The following SPATA13 variants were observed in gnomAD, a reference collection of about 807,000 sequenced individuals.
SPATA13 encodes the protein spermatogenesis associated 13.
SPATA13 carries 50 observed loss-of-function variants against 104.0 expected under a neutral mutation model. That is an observed-to-expected ratio of 0.48 (90% CI 0.38 to 0.61). The LOEUF is 0.61. SPATA13 is among the 20% of genes least tolerant of loss of function. The pLI is 0.00. For missense variants in SPATA13, 1,524 were observed against 1,690.6 expected, an observed-to-expected ratio of 0.90 and a Z score of 1.73; for synonymous variants, 606 against 667.5, an observed-to-expected ratio of 0.91 and a Z score of 1.42.
intron 2 of SPATA13, among the ~76,000 whole-genome samples, chr13:24,010,052 A>T (rs534201350): frequency 6.6e-6 from 1 of 152,338 alleles, no homozygotes; most frequent in Non-Finnish European, 1.5e-5. Context: ...CATCAATCAA[A>T]TACATGTAAG....
At chr13:24,199,710 G>A (rs1171561767) in intron 1 of SPATA13, among the ~76,000 whole-genome samples, 1 of 152,122 alleles carries the variant, frequency 6.6e-6, no homozygotes, top group African/African-American at 2.4e-5. Context: ...CTAGACCTGC[G>A]GCAATGTATT....
intron 4 of SPATA13, among the ~76,000 whole-genome samples, chr13:24,265,972 A>G (rs1290363801): frequency 1.3e-5 from 2 of 152,260 alleles, no homozygotes; most frequent in African/African-American, 4.8e-5. Context: ...AATATCTACC[A>G]TGTCATACTT....
intron 3 of SPATA13, among the ~76,000 whole-genome samples, chr13:24,050,813 C>T (rs939180188): frequency 1.3e-5 from 2 of 152,190 alleles, no homozygotes; most frequent in South Asian, 2.1e-4. Context: ...CCACCCACCA[C>T]GTGTGGTAGT....
intron 2 of SPATA13, among the ~76,000 whole-genome samples, chr13:24,012,173 G>C (rs1437346039): frequency 2.0e-5 from 3 of 152,240 alleles, no homozygotes; most frequent in Non-Finnish European, 4.4e-5. Flanking sequence ...AGAGGTATCA[G>C]TCTCTTTCCT....
At chr13:24,175,740 C>T (rs1868399267) in intron 1 of SPATA13, among the ~76,000 whole-genome samples, 1 of 152,196 alleles carries the variant, frequency 6.6e-6, no homozygotes, top group Admixed American at 6.5e-5. Flanking sequence ...TCATCTGTTC[C>T]AGACATAGTG....
intron 1 of SPATA13, among the ~76,000 whole-genome samples, chr13:24,192,303 G>A (rs977146167): frequency 2.0e-5 from 3 of 152,154 alleles, no homozygotes; most frequent in South Asian, 2.1e-4. Context: ...ACAATGACCT[G>A]TTAATTTCCA....
At chr13:24,030,318 C>T (rs1566078716) in intron 3 of SPATA13, among the ~76,000 whole-genome samples, 2 of 152,134 alleles carry the variant, frequency 1.3e-5, no homozygotes, top group African/African-American at 4.8e-5. Flanking sequence ...TCTATAAACT[C>T]CTGTACTTCA....
chr13:24,006,479 C>T (rs992256610), intron 2 of SPATA13, among the ~76,000 whole-genome samples: 4 of 152,140 alleles, frequency 2.6e-5, no homozygotes, highest in African/African-American at 9.7e-5. Flanking sequence ...ATGTGATGTG[C>T]GAAAGAACTG....
rs1220548 is a variant in SPATA13, at chr13:24,225,375, C to T, written c.1653+793C>T. 6.3e-3 allele frequency among the ~76,000 whole-genome samples: 962 copies of T among 152,350 alleles called. 7 individuals are homozygous for T. The highest frequency in any genetic ancestry group is 0.022 in the African/African-American group (920 of 41,580). ...CTGTAGCTGGCTTCCGCTGCAGGCA[C>T]CAGCGTGTGGACGAGGGGAACGTGG... On this transcript the variant is annotated intron_variant, in intron 2 of 12. Transcript: ENST00000382108.
At chr13:24,097,617 C>A (rs1189794248) in intron 3 of SPATA13, among the ~76,000 whole-genome samples, 2 of 152,024 alleles carry the variant, frequency 1.3e-5, no homozygotes, top group East Asian at 3.9e-4. Context: ...AAACTAGGTG[C>A]AAGATAGCCA....
chr13:24,025,948 GCA>G (rs919919500), intron 3 of SPATA13, among the ~76,000 whole-genome samples: 5 of 152,080 alleles, frequency 3.3e-5, no homozygotes, highest in Admixed American at 2.0e-4. Flanking sequence ...GGGATTACAG[GCA>G]TATAGCACCA....
At chr13:24,281,782 G>A (rs1875541854) in intron 4 of SPATA13, among the ~76,000 whole-genome samples, 1 of 152,130 alleles carries the variant, frequency 6.6e-6, no homozygotes, top group South Asian at 2.1e-4. Context: ...GGTGGGAGGT[G>A]GCCTGAGCAC....
chr13:24,192,204 G>T (rs556889758), intron 1 of SPATA13, among the ~76,000 whole-genome samples: 45 of 152,216 alleles, frequency 3.0e-4, no homozygotes, highest in African/African-American at 1.1e-3. Flanking sequence ...CTCTTGTTGG[G>T]CAGGCAAGGA....
chr13:24,146,957 C>A (rs963442620), intron 3 of SPATA13, among the ~76,000 whole-genome samples: 2 of 149,658 alleles, frequency 1.3e-5, no homozygotes, highest in African/African-American at 4.9e-5. Flanking sequence ...AAAAACTATG[C>A]CTTTCACTTA....
intron 3 of SPATA13, among the ~76,000 whole-genome samples, chr13:24,054,414 C>T (rs920593885): frequency 3.3e-5 from 5 of 152,168 alleles, no homozygotes; most frequent in Non-Finnish European, 7.3e-5. Context: ...CTGGCAGTGG[C>T]AGTGGTGGCA....
rs1471044878 is a variant in SPATA13, at chr13:24,136,990, C to T, written c.-111-85829C>T. Among the ~76,000 whole-genome samples, 42 of 102,002 alleles carry T rather than the reference C, an allele frequency of 4.1e-4. 15 individuals are homozygous for T. The highest frequency in any genetic ancestry group is 6.5e-4 in the Non-Finnish European group (31 of 47,330). 66.9% of individuals were successfully genotyped at this position (102,002 alleles called of 152,430 possible). On this transcript the variant is annotated intron_variant, in intron 3 of 14. Transcript: ENST00000424834. ...GACTACAGGCGCCCGCCACTACGCC[C>T]GGCTAATTTTTTTGTATTTTTAGTA...
chr13:24,001,726 G>A (rs1362043123), intron 2 of SPATA13, among the ~76,000 whole-genome samples: 1 of 151,994 alleles, frequency 6.6e-6, no homozygotes, highest in African/African-American at 2.4e-5. Flanking sequence ...TGGATATGGA[G>A]GGAAATGAAG....
At chr13:24,091,384 C>T (rs1369965646) in intron 3 of SPATA13, among the ~76,000 whole-genome samples, 1 of 152,264 alleles carries the variant, frequency 6.6e-6, no homozygotes, top group Non-Finnish European at 1.5e-5. Flanking sequence ...TTAGCCCCAT[C>T]TGGTATCACC....
At chr13:24,030,252 A>C (rs1300910302) in intron 3 of SPATA13, among the ~76,000 whole-genome samples, 1 of 152,182 alleles carries the variant, frequency 6.6e-6, no homozygotes. Flanking sequence ...GGTGTTAGAC[A>C]TAGGTGTAAT....
Sources: gnomAD v4.1 joint callset for allele counts (sites outside exome capture counted in the v4.1 genomes callset) on GRCh38, gnomAD v4.1.1 for gene constraint, MANE v1.5 for transcripts, NCBI Gene and HGNC (gene_info 2026-07-23, HGNC 2026-07-21) for gene names.